Variants in ALPL observed in about 807,000 individuals in gnomAD.
ALPL encodes alkaline phosphatase, tissue-nonspecific isozyme.
Under a neutral mutation model 51.3 loss-of-function variants are expected in ALPL, and 42 were observed. The ratio of observed to expected loss-of-function variants is 0.82; its 90% CI spans 0.64 to 1.06. ALPL has a LOEUF of 1.06. ALPL is among the 50% of genes least tolerant of loss of function. The pLI is 0.00. For missense variants in ALPL, 589 were observed against 709.4 expected (o/e 0.83, Z 1.93); for synonymous variants, 279 against 296.4 (o/e 0.94, Z 0.60).
chr1:21,554,792 TCTGTCTGTCTGTCTGTCTGTCTG>T (rs554349645), intron 2 of ALPL, among the ~76,000 whole-genome samples: 15,295 of 89,680 alleles, frequency 0.17, 1,320 homozygotes, highest in Admixed American at 0.19. Flanking sequence ...GCCTGGCCTG[TCTGTCTGTCTGTCTGTCTGTCTG>T]TCTTTCTTTC....
At chr1:21,515,138 G>C (rs746228029) in intron 1 of ALPL, among the ~76,000 whole-genome samples, 15 of 152,174 alleles carry the variant, frequency 9.9e-5, no homozygotes, top group South Asian at 4.1e-4. Context: ...TACCTGGCCA[G>C]GTCTGCAAAC....
At chr1:21,514,036 G>C (rs949263144) in intron 1 of ALPL, among the ~76,000 whole-genome samples, 1 of 152,222 alleles carries the variant, frequency 6.6e-6, no homozygotes, top group Non-Finnish European at 1.5e-5. Flanking sequence ...TGTGGGGCTT[G>C]GGCCAGCCCT....
At chr1:21,569,291 C>T (rs1244344895) in intron 7 of ALPL, among the ~76,000 whole-genome samples, 1 of 152,220 alleles carries the variant, frequency 6.6e-6, no homozygotes, top group African/African-American at 2.4e-5. Context: ...CTTGCCCAGG[C>T]AGGGTGCTTA....
Position 21,509,896 on chromosome 1 carries a change from C to A in ALPL, c.-105+379C>A, listed in dbSNP as rs1227814935. Among the ~76,000 whole-genome samples the A allele has an allele frequency of 6.6e-6, 1 of 152,222 alleles. No individual in the cohort carries two copies. The highest frequency in any genetic ancestry group is 2.4e-5 in the African/African-American group (1 of 41,462). ...CTTGGTGCCCCGTGACTGAGCCCCT[C>A]CTGGTGCCTCCTTAGCCGTAGCTCT... On this transcript the variant is annotated intron_variant, in intron 1 of 11. Coordinates refer to ENST00000374840, the MANE Select transcript of ALPL (RefSeq NM_000478.6). This position sits in a 1 kb window ranked among gnomAD's most constrained non-coding sequence, Gnocchi z 6.0.
In ALPL at chr1:21,573,654, G is replaced by A. The variant is rs759742093; in HGVS notation, c.863-11G>A. ...CTCTCAGCATCCACATCCTCCTGGCGTCCTCCTCAGGTCTCTTCGAGCCAG... is the reference window on the plus strand; with the variant it reads ...CTCTCAGCATCCACATCCTCCTGGCATCCTCCTCAGGTCTCTTCGAGCCAG... On this transcript the variant is annotated splice_polypyrimidine_tract_variant and intron_variant, in intron 8 of 11. Coordinates refer to ENST00000374840, the MANE Select transcript of ALPL (RefSeq NM_000478.6). 2.5e-6 allele frequency: 4 copies of A among 1,613,238 alleles called. No individual in the cohort carries two copies. Among genetic ancestry groups the A allele is most frequent in the South Asian group, 2.2e-5 (2 of 90,936 alleles).
chr1:21,516,546 C>T (rs543596760), intron 1 of ALPL, among the ~76,000 whole-genome samples: 8 of 152,272 alleles, frequency 5.3e-5, no homozygotes, highest in East Asian at 1.9e-4. Context: ...GATGAGGAAA[C>T]GGAAACACAA....
At chr1:21,573,643 A>G (rs1260927381) in intron 8 of ALPL, 22 bp from the exon 9 acceptor site, 3 of 1,612,398 alleles carry the variant, frequency 1.9e-6, no homozygotes, top group East Asian at 4.5e-5. Context: ...CAGCATCCAC[A>G]TCCTCCTGGC....
At chr1:21,514,603 G>T (rs542441710) in intron 1 of ALPL, among the ~76,000 whole-genome samples, 1 of 151,976 alleles carries the variant, frequency 6.6e-6, no homozygotes, top group African/African-American at 2.4e-5. Context: ...GGTTACATGC[G>T]GGGGGCTCTG....
chr1:21,531,313 C>T (rs919562009), intron 1 of ALPL, among the ~76,000 whole-genome samples: 1 of 152,162 alleles, frequency 6.6e-6, no homozygotes, highest in Non-Finnish European at 1.5e-5. Flanking sequence ...CAGGCTGTCT[C>T]AAGGTCCTGG....
intron 1 of ALPL, among the ~76,000 whole-genome samples, chr1:21,540,209 G>A (rs1026075901): frequency 6.6e-6 from 1 of 152,190 alleles, no homozygotes; most frequent in Admixed American, 6.5e-5. Flanking sequence ...TGCCTGCAAA[G>A]CAGCCATGCT....
At position 21,554,801 on chromosome 1, in the gene ALPL, CTGTCTGTCTGT is replaced by C. The variant is rs1483484684; in HGVS notation, c.61+660_61+670del. ...CACCGCGCCTGGCCTGTCTGTCTGT[CTGTCTGTCTGT>C]CTGTCTTTCTTTCTTTCTTTCTTTC... On this transcript the variant is annotated intron_variant, in intron 2 of 11. Coordinates refer to ENST00000374840, the MANE Select transcript of ALPL (RefSeq NM_000478.6). Among the ~76,000 whole-genome samples, 36 of 30,202 alleles carry C rather than the reference CTGTCTGTCTGT, an allele frequency of 1.2e-3. 3 individuals are homozygous for C. In the East Asian group the frequency reaches 0.02, roughly 17 times the overall value. The allele number at this position is 30,202 out of a possible 152,430, so 19.8% of individuals were successfully genotyped here.
chr1:21,567,553 A>G (rs971719683), intron 6 of ALPL, among the ~76,000 whole-genome samples: 3 of 152,132 alleles, frequency 2.0e-5, no homozygotes, highest in African/African-American at 7.2e-5. Context: ...ACCGTGGGAG[A>G]GGAGGCTCTG....
chr1:21,552,673 C>A (rs571854464), intron 1 of ALPL, among the ~76,000 whole-genome samples: 12 of 152,212 alleles, frequency 7.9e-5, no homozygotes, highest in Admixed American at 2.6e-4. Flanking sequence ...CCTCAGCTTC[C>A]CAAGTAGCTG....
chr1:21,568,335 C>T (rs1380598010), intron 7 of ALPL, 88 bp downstream of exon 7: 3 of 1,579,844 alleles, frequency 1.9e-6, no homozygotes, highest in East Asian at 2.3e-5. Context: ...CTGTTGTCCT[C>T]TGTAGAAAGG....
intron 11 of ALPL, 133 bp from the exon 12 acceptor site, chr1:21,577,250 C>T (rs1286130496): frequency 4.2e-6 from 6 of 1,430,330 alleles, no homozygotes; most frequent in Middle Eastern, 2.1e-4. Flanking sequence ...AAATGACTTT[C>T]CCACATTGAG....
At chr1:21,540,979 CGCTTAAGAACAG>C (rs1644176353) in intron 1 of ALPL, among the ~76,000 whole-genome samples, 1 of 152,216 alleles carries the variant, frequency 6.6e-6, no homozygotes, top group African/African-American at 2.4e-5. Flanking sequence ...GGACCTCTGC[CGCTTAAGAACAG>C]GCCCTTTGAA....
chr1:21,557,808 G>C lies in ALPL; in HGVS notation c.62-2818G>C, dbSNP rs1024110410. Among the ~76,000 whole-genome samples the C allele has an allele frequency of 3.3e-5, 5 of 152,016 alleles. No individual in the cohort carries two copies. In the East Asian group the frequency reaches 9.6e-4, roughly 29 times the overall value. ...TAAATACATAGCCTGAAAAAATTTT[G>C]ACATATATTTATACCCATGTAACCG... On this transcript the variant is annotated intron_variant, in intron 2 of 11. Coordinates refer to ENST00000374840, the MANE Select transcript of ALPL (RefSeq NM_000478.6).
chr1:21,513,381 T>C lies in ALPL; in HGVS notation c.-105+3864T>C, dbSNP rs116397057. ...AGTATATTCTTAGCATATCTGTTTT[T>C]TGAAAATCATTGTTTAAGGGAGGAT... On this transcript the variant is annotated intron_variant, in intron 1 of 11. Transcript: ENST00000374840. Among the ~76,000 whole-genome samples, 226 of 152,346 alleles carry C rather than the reference T, an allele frequency of 1.5e-3. 1 individual carries two copies. Among genetic ancestry groups the C allele is most frequent in the African/African-American group, 5.3e-3 (222 of 41,572 alleles).
intron 9 of ALPL, chr1:21,574,066 G>A (rs1407736467): frequency 1.0e-6 from 1 of 985,346 alleles, no homozygotes; most frequent in African/African-American, 1.7e-5. Flanking sequence ...CCCTTTGGTA[G>A]TCTTTCTTGG....
Sources: gnomAD v4.1 joint callset for allele counts (sites outside exome capture counted in the v4.1 genomes callset) on GRCh38, gnomAD v4.1.1 for gene constraint, Gnocchi (gnomAD v3.1) non-coding constraint, MANE v1.5 for transcripts, NCBI Gene and HGNC (gene_info 2026-07-23, HGNC 2026-07-21) for gene names.